Variants in C1orf87 observed in about 807,000 individuals in gnomAD.
C1orf87 encodes uncharacterized protein C1orf87.
Under a neutral mutation model 60.5 loss-of-function variants are expected in C1orf87, and 58 were observed. The observed-to-expected ratio is 0.96, with a 90% CI of 0.78 to 1.19. The LOEUF is 1.19. Ranked by LOEUF, C1orf87 falls within the 50% of genes most tolerant of loss-of-function variation. C1orf87 has a pLI of 0.00. For missense variants in C1orf87, 673 were observed against 638.6 expected (o/e 1.05, Z -0.58); for synonymous variants, 236 against 227.4 (o/e 1.04, Z -0.34).
chr1:60,008,007 A>G (rs1645058163), intron 9 of C1orf87, among the ~76,000 whole-genome samples: 1 of 152,014 alleles, frequency 6.6e-6, no homozygotes, highest in Non-Finnish European at 1.5e-5. Flanking sequence ...GAGCTAAAGA[A>G]TAGACAGAAA....
At chr1:60,028,888 T>A (rs2100280821) in intron 7 of C1orf87, among the ~76,000 whole-genome samples, 1 of 152,280 alleles carries the variant, frequency 6.6e-6, no homozygotes, top group Non-Finnish European at 1.5e-5. Flanking sequence ...TTGAATTTCC[T>A]TTCTTGGCTT....
intron 2 of C1orf87, among the ~76,000 whole-genome samples, chr1:60,069,026 T>C (rs1410372617): frequency 6.6e-6 from 1 of 152,226 alleles, no homozygotes; most frequent in African/African-American, 2.4e-5. Flanking sequence ...GCTTTTACCA[T>C]GTACAATATT....
chr1:59,992,780 C>T (rs10749719), intron 11 of C1orf87, among the ~76,000 whole-genome samples: 1 of 152,124 alleles, frequency 6.6e-6, no homozygotes, highest in African/African-American at 2.4e-5. Context: ...ACTCTCTAAT[C>T]GCTATTTTTA....
At chr1:60,021,077 A>G (rs1439002811) in intron 8 of C1orf87, among the ~76,000 whole-genome samples, 1 of 152,092 alleles carries the variant, frequency 6.6e-6, no homozygotes, top group Non-Finnish European at 1.5e-5. Flanking sequence ...TTGCCATGGT[A>G]AGATGTGTTT....
intron 11 of C1orf87, among the ~76,000 whole-genome samples, chr1:59,994,140 A>G (rs182817463): frequency 6.6e-6 from 1 of 152,250 alleles, no homozygotes; most frequent in Admixed American, 6.5e-5. Context: ...CCGTTCTCAA[A>G]TCTGGGAAGT....
chr1:59,997,173 G>T (rs1274351087), intron 11 of C1orf87, among the ~76,000 whole-genome samples: 1 of 152,156 alleles, frequency 6.6e-6, no homozygotes, highest in Non-Finnish European at 1.5e-5. Flanking sequence ...GCGAGACAAG[G>T]CCTGCTTGAG....
chr1:59,999,801 G>A (rs2100239917), intron 10 of C1orf87, among the ~76,000 whole-genome samples: 1 of 152,220 alleles, frequency 6.6e-6, no homozygotes, highest in East Asian at 1.9e-4. Flanking sequence ...AAAAATGGAA[G>A]CTGTTTTATA....
chr1:60,034,037 G>A (rs1216302418), intron 6 of C1orf87, among the ~76,000 whole-genome samples: 4 of 151,946 alleles, frequency 2.6e-5, no homozygotes, highest in African/African-American at 4.8e-5. Context: ...ATGACATTTC[G>A]AAACTGCTCA....
intron 7 of C1orf87, among the ~76,000 whole-genome samples, chr1:60,032,014 A>G (rs1645241513): frequency 6.6e-6 from 1 of 152,144 alleles, no homozygotes; most frequent in African/African-American, 2.4e-5. Context: ...ATACACACAC[A>G]CACACACAGA....
chr1:60,064,271 A>T (rs1244361087), intron 2 of C1orf87, among the ~76,000 whole-genome samples: 3 of 108,346 alleles, frequency 2.8e-5, no homozygotes. Context: ...TTTATATATC[A>T]TATATAAATT....
chr1:59,991,606 G>A (rs1051861494), intron 11 of C1orf87, among the ~76,000 whole-genome samples: 1 of 152,172 alleles, frequency 6.6e-6, no homozygotes, highest in African/African-American at 2.4e-5. Context: ...ATACAAAGAT[G>A]CAGAGGACTG....
At chr1:60,031,747 G>T (rs1288797948) in intron 7 of C1orf87, among the ~76,000 whole-genome samples, 1 of 152,110 alleles carries the variant, frequency 6.6e-6, no homozygotes, top group South Asian at 2.1e-4. Flanking sequence ...AATATATTTT[G>T]ATTTTCAAGT....
chr1:60,070,574 A>C (rs1025823235), intron 2 of C1orf87, among the ~76,000 whole-genome samples: 2 of 152,204 alleles, frequency 1.3e-5, no homozygotes, highest in Non-Finnish European at 2.9e-5. Context: ...ACATAGAAGA[A>C]TATTTTAGCA....
chr1:60,038,634 C>T (rs1328489388), intron 5 of C1orf87, among the ~76,000 whole-genome samples: 1 of 152,134 alleles, frequency 6.6e-6, no homozygotes, highest in Non-Finnish European at 1.5e-5. Context: ...CCCACCGCTG[C>T]CCCCACTCTC....
intron 11 of C1orf87, among the ~76,000 whole-genome samples, chr1:59,996,604 C>T (rs1194086327): frequency 6.6e-6 from 1 of 152,104 alleles, no homozygotes; most frequent in Non-Finnish European, 1.5e-5. Context: ...ATTGAGCACC[C>T]TGCACTGAGC....
intron 9 of C1orf87, among the ~76,000 whole-genome samples, chr1:60,002,078 G>C (rs1645010137): frequency 1.3e-5 from 2 of 152,068 alleles, no homozygotes; most frequent in African/African-American, 2.4e-5. Context: ...GGGAGCCTCA[G>C]CTTTATTAAT....
intron 7 of C1orf87, among the ~76,000 whole-genome samples, chr1:60,025,774 C>A (rs1005187317): frequency 6.6e-6 from 1 of 152,068 alleles, no homozygotes; most frequent in African/African-American, 2.4e-5. Context: ...AAATGCTGAT[C>A]TTACATTTTT....
At position 60,011,313 on chromosome 1, in the gene C1orf87, G is replaced by C. The variant is rs564071642; in HGVS notation, c.1128-857C>G. On this transcript the variant is annotated intron_variant, in intron 8 of 11. Coordinates refer to ENST00000371201, the MANE Select transcript of C1orf87 (RefSeq NM_152377.3). ...GCTCTTCTCTGGGGTGACAGCTACT[G>C]GTTTCCTTTTGAATACAGTATGGAT... is the stretch of plus-strand genomic sequence containing the variant. Among the ~76,000 whole-genome samples, 20 of 152,072 alleles carry C rather than the reference G, an allele frequency of 1.3e-4. No homozygotes were observed. The East Asian group carries it at 3.5e-3, about 27-fold the overall frequency.
At chr1:60,024,894 C>T (rs1487176109) in intron 8 of C1orf87, among the ~76,000 whole-genome samples, 1 of 152,142 alleles carries the variant, frequency 6.6e-6, no homozygotes, top group African/African-American at 2.4e-5. Flanking sequence ...GTGGAAGTTT[C>T]CTGCTTTGTT....
Sources: gnomAD v4.1 joint callset for allele counts (sites outside exome capture counted in the v4.1 genomes callset) on GRCh38, gnomAD v4.1.1 for gene constraint, MANE v1.5 for transcripts, NCBI Gene and HGNC (gene_info 2026-07-23, HGNC 2026-07-21) for gene names.